The following ERG variants were observed in gnomAD, a reference collection of about 807,000 sequenced individuals.
ERG encodes ETS transcription factor ERG.
ERG carries 9 observed loss-of-function variants against 55.3 expected under a neutral mutation model. That is an observed-to-expected ratio of 0.16 (90% confidence interval 0.10 to 0.28). The LOEUF (loss-of-function observed/expected upper bound fraction) is 0.28, where lower values mean the gene tolerates loss of function less well. Ranked by LOEUF, ERG falls within the 10% of genes least tolerant of loss-of-function variation. The pLI is 1.00. For missense variants in ERG, 434 were observed against 631.6 expected (o/e 0.69, Z 3.35); for synonymous variants, 223 against 237.3 (o/e 0.94, Z 0.55).
At chr21:38,660,303 G>A (rs1274896589) in intron 1 of ERG, among the ~76,000 whole-genome samples, 2 of 152,312 alleles carry the variant, frequency 1.3e-5, no homozygotes, top group East Asian at 3.9e-4. Flanking sequence ...ATTTCGGGGT[G>A]CCCCCTCCTC....
At chr21:38,441,473 A>G (rs567623141) in intron 2 of ERG, among the ~76,000 whole-genome samples, 1 of 152,132 alleles carries the variant, frequency 6.6e-6, no homozygotes, top group South Asian at 2.1e-4. Flanking sequence ...AGACCTGCCC[A>G]CTCCCACAAC....
intron 2 of ERG, among the ~76,000 whole-genome samples, chr21:38,545,381 T>C (rs1161044395): frequency 6.6e-6 from 1 of 152,186 alleles, no homozygotes; most frequent in Non-Finnish European, 1.5e-5. Flanking sequence ...TCCCAAATCC[T>C]TTAGCAACGT....
intron 1 of ERG, among the ~76,000 whole-genome samples, chr21:38,611,161 G>A (rs1044052129): frequency 1.9e-4 from 29 of 151,934 alleles, no homozygotes; most frequent in Non-Finnish European, 3.2e-4. Context: ...CCTCATCACC[G>A]CCCACCTCCC....
intron 2 of ERG, among the ~76,000 whole-genome samples, chr21:38,424,187 G>GCTCTCTCT (rs1227355474): frequency 2.3e-4 from 25 of 110,076 alleles, no homozygotes; most frequent in Non-Finnish European, 3.9e-4. Context: ...CAGAGCTCGA[G>GCTCTCTCT]CTCTCTCTCT....
chr21:38,443,500 C>T (rs2058860710), intron 2 of ERG, among the ~76,000 whole-genome samples: 1 of 152,210 alleles, frequency 6.6e-6, no homozygotes, highest in Admixed American at 6.5e-5. Context: ...AAACAGAATT[C>T]ATTCAGTGTT....
chr21:38,567,769 T>A (rs971060500), intron 2 of ERG, among the ~76,000 whole-genome samples: 3 of 152,192 alleles, frequency 2.0e-5, no homozygotes, highest in African/African-American at 7.2e-5. Context: ...GGATAAATCA[T>A]CACCAGCCCC....
chr21:38,468,022 T>G (rs2059105641), intron 1 of ERG, among the ~76,000 whole-genome samples: 1 of 152,212 alleles, frequency 6.6e-6, no homozygotes, highest in Non-Finnish European at 1.5e-5. Context: ...AACATTTCAC[T>G]GGTCATCAAC....
intron 1 of ERG, among the ~76,000 whole-genome samples, chr21:38,620,263 G>A (rs1192315144): frequency 1.3e-5 from 2 of 152,150 alleles, no homozygotes; most frequent in African/African-American, 4.8e-5. Context: ...CGTTTGTGGG[G>A]ATGAAGAGGT....
At chr21:38,500,327 C>T (rs1377658046), upstream of ERG, among the ~76,000 whole-genome samples, 1 of 152,214 alleles carries the variant, frequency 6.6e-6, no homozygotes, top group Non-Finnish European at 1.5e-5. Context: ...GGTTGCTAAT[C>T]CAGCCCTCAG....
At chr21:38,510,574 A>T (rs1601163086) in intron 2 of ERG, among the ~76,000 whole-genome samples, 1 of 152,194 alleles carries the variant, frequency 6.6e-6, no homozygotes, top group Non-Finnish European at 1.5e-5. Context: ...TTGTCTTTAA[A>T]AGAGTGGAAC....
At chr21:38,418,270 A>AGTGTGTGTGTGT (rs71184622) in intron 3 of ERG, among the ~76,000 whole-genome samples, 11,094 of 130,184 alleles carry the variant, frequency 0.085, 470 homozygotes, top group East Asian at 0.14. Context: ...AACATTTGGA[A>AGTGTGTGTGTGT]GTGTGTGTGT....
intron 5 of ERG, among the ~76,000 whole-genome samples, chr21:38,401,957 G>T (rs1397910380): frequency 2.0e-5 from 3 of 152,160 alleles, no homozygotes; most frequent in Admixed American, 2.0e-4. Context: ...ACAGGCATTT[G>T]GTTAGTGACT....
Position 38,654,514 on chromosome 21 carries a change from C to T in ERG, c.-150+7144G>A, listed in dbSNP as rs550056790. 2.1e-4 allele frequency among the ~76,000 whole-genome samples: 32 copies of T among 152,310 alleles called. No homozygotes were observed. The South Asian group carries it at 6.4e-3, about 31-fold the overall frequency. ...AAATAAAATCCTTTTACTTTGATACCTCAAGTAGTAATCAATAATATCCCT... is the reference window on the plus strand; with the variant it reads ...AAATAAAATCCTTTTACTTTGATACTTCAAGTAGTAATCAATAATATCCCT... On this transcript the variant is annotated intron_variant, in intron 1 of 10. Coordinates refer to the ERG transcript ENST00000398910.
chr21:38,476,656 G>A lies in ERG; in HGVS notation c.18+21707C>T, dbSNP rs191598763. ...ACTGGAGAGCAATTAACCTTCACCC[G>A]ACAAGCTCTGTCCAACCGTTATAAA... On this transcript the variant is annotated intron_variant, in intron 1 of 9. Transcript: ENST00000288319. Among the ~76,000 whole-genome samples the A allele has an allele frequency of 1.2e-4, 18 of 152,246 alleles. No homozygotes were observed. The East Asian group carries it at 2.1e-3, about 18-fold the overall frequency.
At chr21:38,594,628 GA>G (rs2060120470) in intron 1 of ERG, among the ~76,000 whole-genome samples, 1 of 152,206 alleles carries the variant, frequency 6.6e-6, no homozygotes. Flanking sequence ...GCTCCAGTAA[GA>G]AGAACTGGAA....
chr21:38,614,741 G>A (rs1054980523), intron 1 of ERG, among the ~76,000 whole-genome samples: 3 of 152,232 alleles, frequency 2.0e-5, no homozygotes, highest in African/African-American at 7.2e-5. Flanking sequence ...TGGGGAGGAA[G>A]GCCAATTTAT....
At chr21:38,506,020 T>TG (rs977576611) in intron 2 of ERG, among the ~76,000 whole-genome samples, 133 of 34,348 alleles carry the variant, frequency 3.9e-3, no homozygotes, top group African/African-American at 0.023. Context: ...GCAGAAATGG[T>TG]GTTTTTTTTT....
intron 2 of ERG, among the ~76,000 whole-genome samples, chr21:38,426,798 T>C (rs1443214389): frequency 6.6e-6 from 1 of 151,366 alleles, no homozygotes; most frequent in East Asian, 2.0e-4. Context: ...GGCGTGGTGG[T>C]GCATGCCCGT....
At chr21:38,510,214 G>A (rs1317826636) in intron 2 of ERG, among the ~76,000 whole-genome samples, 1 of 152,238 alleles carries the variant, frequency 6.6e-6, no homozygotes, top group Non-Finnish European at 1.5e-5. Context: ...CATATGGAAT[G>A]CCTATAGACA....
Sources: gnomAD v4.1 joint callset for allele counts (sites outside exome capture counted in the v4.1 genomes callset) on GRCh38, gnomAD v4.1.1 for gene constraint, MANE v1.5 for transcripts, NCBI Gene and HGNC (gene_info 2026-07-23, HGNC 2026-07-21) for gene names.